The following ALG13 variants were observed in gnomAD, a reference collection of about 807,000 sequenced individuals.
ALG13 encodes the protein UDP-N-acetylglucosamine transferase subunit ALG13.
ALG13 carries 11 observed loss-of-function variants against 87.8 expected under a neutral mutation model. That is an observed-to-expected ratio of 0.13 (90% CI 0.08 to 0.21). The LOEUF (loss-of-function observed/expected upper bound fraction) is 0.21. Among genes scored for constraint, ALG13 ranks in the 10% least tolerant of loss-of-function variants. ALG13 has a pLI of 1.00. For missense variants in ALG13, 756 were observed against 866.1 expected (o/e 0.87, Z 1.60); for synonymous variants, 320 against 306.3 (o/e 1.04, Z -0.47).
Position 111,687,353 on chromosome X carries a change from G to A in ALG13, c.383+2250G>A, listed in dbSNP as rs770092886. On this transcript the variant is annotated intron_variant, in intron 3 of 26. Coordinates refer to ENST00000394780, the MANE Select transcript of ALG13 (RefSeq NM_001099922.3). ...AAGCGATTGGTTTAAATAAATTTCC[G>A]ATGTAATGGTTCTATGTTTAAAACC... Among the ~76,000 whole-genome samples, 21 of 112,606 alleles carry A rather than the reference G, an allele frequency of 1.9e-4. No homozygotes were observed. In the South Asian group the frequency reaches 5.4e-3, roughly 29 times the overall value.
rs772042620 is a variant in ALG13, at chrX:111,732,105, A to G, written c.2457+1525A>G. 7.2e-5 allele frequency among the ~76,000 whole-genome samples: 8 copies of G among 111,860 alleles called. No individual in the cohort carries two copies. The East Asian group carries it at 2.0e-3, about 28-fold the overall frequency. ...CCCTGTGAGTCCCTGTATGCAAGGA[A>G]TCTATTCCCTTTCATTCCTGCCTGC... On this transcript the variant is annotated intron_variant, in intron 21 of 26. Coordinates refer to ENST00000394780, the MANE Select transcript of ALG13 (RefSeq NM_001099922.3).
chrX:111,699,814 A>G (rs1428396286), intron 3 of ALG13, among the ~76,000 whole-genome samples: 1 of 110,999 alleles, frequency 9.0e-6, no homozygotes, highest in African/African-American at 3.3e-5. Flanking sequence ...TTAGGGAGTG[A>G]GATGCTGCCA....
chrX:111,723,126 T>A (rs1371877319), intron 13 of ALG13, among the ~76,000 whole-genome samples: 1 of 108,007 alleles, frequency 9.3e-6, no homozygotes, highest in East Asian at 2.9e-4. Flanking sequence ...TGGCTAATTT[T>A]TTTTATTTTT....
Position 111,690,124 on chromosome X carries a change from TCAC to T in ALG13, c.383+5025_383+5027del, listed in dbSNP as rs973924813. The stretch of plus-strand genomic sequence containing the variant: ...CAGATGAGGAAACATGCTAAATTAA[TCAC>T]CACATTTACATCTTATTAGTCCTTA... On this transcript the variant is annotated intron_variant, in intron 3 of 26. Coordinates refer to ENST00000394780, the MANE Select transcript of ALG13 (RefSeq NM_001099922.3). 6.7e-6 allele frequency: 5 copies of T among 749,895 alleles called. No individual in the cohort carries two copies. The African/African-American group carries it at 9.2e-5, about 14-fold the overall frequency. The allele number at this position is 749,895 out of a possible 1,213,427, so 61.8% of individuals were successfully genotyped here. A position where few individuals can be genotyped will look rare whatever the true frequency, so the allele number is the denominator to read the frequency against.
chrX:111,681,579 A>ATTCTCCGCCTCCGCG lies in ALG13; in HGVS notation c.81+282_81+296dup, dbSNP rs1556443128. On this transcript the variant is annotated intron_variant, in intron 1 of 26. Coordinates refer to ENST00000394780, the MANE Select transcript of ALG13 (RefSeq NM_001099922.3). ...CTTTTCCGGTCTGCCCCCGCGCTCT[A>ATTCTCCGCCTCCGCG]TTCTCCGCCTCCGCGTCCTCCGCCC... 4 of 944,964 alleles carry ATTCTCCGCCTCCGCG rather than the reference A, an allele frequency of 4.2e-6. No homozygotes were observed. In the Admixed American group the frequency reaches 1.5e-4, roughly 36 times the overall value. 77.9% of individuals were successfully genotyped at this position (944,964 alleles called of 1,213,427 possible).
Position 111,688,961 on chromosome X carries a change from C to G in ALG13, c.383+3858C>G. On this transcript the variant is annotated intron_variant, in intron 3 of 26. Transcript: ENST00000394780. ...AGTTTATCTATCAAAATAGAACATT[C>G]ACTATAAAGACCTCTCTTCCATTCC... 14 of 742,484 alleles carry G rather than the reference C, an allele frequency of 1.9e-5. No individual in the cohort carries two copies. The South Asian group carries it at 9.6e-4, about 51-fold the overall frequency. 61.2% of individuals were successfully genotyped at this position (742,484 alleles called of 1,213,427 possible).
intron 3 of ALG13, chrX:111,689,846 C>G: frequency 2.7e-6 from 2 of 752,919 alleles, no homozygotes; most frequent in Non-Finnish European, 3.1e-6. Flanking sequence ...TACTCGAATT[C>G]CTTGCAAGGT....
chrX:111,700,772 T>TA (rs1305872003), intron 3 of ALG13, among the ~76,000 whole-genome samples: 1 of 102,703 alleles, frequency 9.7e-6, no homozygotes, highest in African/African-American at 3.6e-5. Context: ...TTTTTTTTTT[T>TA]AGTAGAGATG....
rs895317636 is a variant in ALG13 at position 111,727,719 on chromosome X, T to A, written c.2196T>A (p.Ile732=). The A allele has an allele frequency of 5.8e-6, 7 of 1,210,402 alleles. No individual in the cohort carries two copies. In the South Asian group the frequency reaches 1.1e-4, roughly 18 times the overall value. ...GQMPRGLEET[I]TFYEVEEGDE... ...TGCCCAGGGGCTTGGAAGAAACTAT[T>A]ACTTTTTATGAAGTTGAAGAAGGGG... Residue 732 remains isoleucine, a synonymous_variant, in exon 18 of 27, where the codon ATT becomes ATA. Transcript: ENST00000394780.
At chrX:111,736,022 G>A (rs1249624246) in intron 22 of ALG13, among the ~76,000 whole-genome samples, 1 of 111,748 alleles carries the variant, frequency 8.9e-6, no homozygotes, top group Non-Finnish European at 1.9e-5. Flanking sequence ...GAAAAGTGTA[G>A]GCCAGATGCA....
intron 8 of ALG13, among the ~76,000 whole-genome samples, chrX:111,715,524 C>T (rs1488169809): frequency 9.0e-6 from 1 of 110,890 alleles, no homozygotes; most frequent in Non-Finnish European, 1.9e-5. Context: ...TTGAGACCAG[C>T]CCGGCCAATA....
At chrX:111,749,799 T>A (rs1944555602) in intron 24 of ALG13, among the ~76,000 whole-genome samples, 1 of 111,801 alleles carries the variant, frequency 8.9e-6, no homozygotes, top group Non-Finnish European at 1.9e-5. Flanking sequence ...TAAAATTGAT[T>A]TTTGCATGTT....
At chrX:111,706,692 G>C (rs752991619) in intron 3 of ALG13, 13 of 111,386 alleles carry the variant, frequency 1.2e-4, no homozygotes, top group Admixed American at 2.9e-4. Context: ...CCAGGAGGTT[G>C]AGGCTGCAGT....
intron 23 of ALG13, chrX:111,743,742 A>G (rs911515554): frequency 8.0e-5 from 9 of 111,838 alleles, no homozygotes; most frequent in Non-Finnish European, 1.7e-4. Flanking sequence ...TCAGTGTGCT[A>G]AAACTCTGAC....
At chrX:111,755,991 A>G (rs1014789848) in intron 25 of ALG13, among the ~76,000 whole-genome samples, 2 of 112,486 alleles carry the variant, frequency 1.8e-5, no homozygotes, top group African/African-American at 3.2e-5. Flanking sequence ...ACTATTCACA[A>G]TGCCAAAGAC....
At chrX:111,719,645 G>T (rs1463478586) in intron 10 of ALG13, among the ~76,000 whole-genome samples, 1 of 111,884 alleles carries the variant, frequency 8.9e-6, no homozygotes, top group African/African-American at 3.3e-5. Flanking sequence ...CTGGAGCTTT[G>T]ACTGGAGAAA....
intron 3 of ALG13, among the ~76,000 whole-genome samples, chrX:111,705,279 CTT>C (rs904575619): frequency 9.0e-6 from 1 of 111,724 alleles, no homozygotes; most frequent in Admixed American, 9.5e-5. Flanking sequence ...ATTCTTATAT[CTT>C]TGGTGAAATG....
chrX:111,724,799 A>C (rs891480417), intron 14 of ALG13, 135 bp from the exon 15 acceptor site: 1 of 664,001 alleles, frequency 1.5e-6, no homozygotes, highest in Non-Finnish European at 2.2e-6. Context: ...AAACTAATAA[A>C]AAATTAAACA....
At chrX:111,727,875 A>C in intron 18 of ALG13, 105 bp downstream of exon 18, 1 of 873,535 alleles carries the variant, frequency 1.1e-6, no homozygotes, top group Non-Finnish European at 1.6e-6. Flanking sequence ...AAATAACCAA[A>C]CAAAGCCTTT....
Sources: gnomAD v4.1 joint callset for allele counts (sites outside exome capture counted in the v4.1 genomes callset) on GRCh38, gnomAD v4.1.1 for gene constraint, MANE v1.5 for transcripts, NCBI Gene and HGNC (gene_info 2026-07-23, HGNC 2026-07-21) for gene names.